The following LYPD6B variants were observed in gnomAD, a reference collection of about 807,000 sequenced individuals.
LYPD6B encodes LY6/PLAUR domain containing 6B.
In LYPD6B, 17 loss-of-function variants were observed where a neutral mutation model predicts 22.8. That is an observed-to-expected ratio of 0.75 (90% CI 0.51 to 1.12). The LOEUF (loss-of-function observed/expected upper bound fraction) is 1.12, where lower values mean the gene tolerates loss of function less well. Ranked by LOEUF, LYPD6B falls within the 50% of genes most tolerant of loss-of-function variation. The pLI is 0.00. For missense variants in LYPD6B, 221 were observed against 258.3 expected (o/e 0.86, Z 0.99); for synonymous variants, 106 against 91.6 (o/e 1.16, Z -0.90).
intron 4 of LYPD6B, among the ~76,000 whole-genome samples, chr2:149,207,129 C>T (rs1448759738): frequency 6.6e-6 from 1 of 152,064 alleles, no homozygotes; most frequent in East Asian, 1.9e-4. Context: ...TTTAACTGTA[C>T]TGATTTAATT....
At chr2:149,135,861 A>T (rs1688338354) in intron 2 of LYPD6B, among the ~76,000 whole-genome samples, 2 of 151,756 alleles carry the variant, frequency 1.3e-5, no homozygotes, top group African/African-American at 4.8e-5. Flanking sequence ...CTGATACCTT[A>T]TGTCACATTA....
chr2:149,153,155 T>G (rs1015776274), intron 2 of LYPD6B, among the ~76,000 whole-genome samples: 5 of 152,200 alleles, frequency 3.3e-5, no homozygotes, highest in African/African-American at 1.2e-4. Flanking sequence ...TGTAAGATAT[T>G]AACAAGGCAC....
chr2:149,051,673 T>C (rs1683568154), intron 1 of LYPD6B, among the ~76,000 whole-genome samples: 1 of 151,988 alleles, frequency 6.6e-6, no homozygotes, highest in Non-Finnish European at 1.5e-5. Flanking sequence ...TTATTATTAT[T>C]ATTTATTTTT....
intron 3 of LYPD6B, among the ~76,000 whole-genome samples, chr2:149,190,494 A>G (rs1289754881): frequency 6.6e-6 from 1 of 152,186 alleles, no homozygotes. Context: ...AATGTTGTCA[A>G]ATTGCTCCAT....
intron 3 of LYPD6B, among the ~76,000 whole-genome samples, chr2:149,193,441 T>C (rs7576669): frequency 0.83 from 126,213 of 151,814 alleles, 54,108 homozygotes; most frequent in South Asian, 0.97. Flanking sequence ...TCTCAATGTG[T>C]GTTTCCAGCT....
intron 2 of LYPD6B, among the ~76,000 whole-genome samples, chr2:149,141,861 C>T (rs960030680): frequency 1.3e-5 from 2 of 152,206 alleles, no homozygotes; most frequent in African/African-American, 4.8e-5. Context: ...TCTTTCTTCT[C>T]CTCTTTCAAG....
intron 1 of LYPD6B, among the ~76,000 whole-genome samples, chr2:149,065,482 A>C (rs1212810419): frequency 1.3e-5 from 2 of 152,200 alleles, no homozygotes; most frequent in Non-Finnish European, 2.9e-5. Context: ...AGAAGGTGGA[A>C]TCTTCAGTTC....
chr2:149,070,521 C>G (rs1024672373), intron 1 of LYPD6B, among the ~76,000 whole-genome samples: 2 of 152,126 alleles, frequency 1.3e-5, no homozygotes, highest in Admixed American at 1.3e-4. Context: ...CGATGGTATT[C>G]CCAGTGCCTG....
chr2:149,174,206 A>T (rs1691080276), intron 3 of LYPD6B, among the ~76,000 whole-genome samples: 1 of 152,164 alleles, frequency 6.6e-6, no homozygotes, highest in Non-Finnish European at 1.5e-5. Context: ...GTGTAAAGGA[A>T]TGCTTGTGCT....
At chr2:149,043,664 T>C (rs977927584) in intron 1 of LYPD6B, among the ~76,000 whole-genome samples, 6 of 152,162 alleles carry the variant, frequency 3.9e-5, no homozygotes, top group Non-Finnish European at 1.5e-5. Context: ...ATCGATTTTT[T>C]AATACATCCA....
intron 1 of LYPD6B, among the ~76,000 whole-genome samples, chr2:149,045,886 A>G (rs1166931424): frequency 6.6e-6 from 1 of 152,202 alleles, no homozygotes; most frequent in Non-Finnish European, 1.5e-5. Context: ...GGGATGTTCC[A>G]GAAATATCAA....
intron 1 of LYPD6B, among the ~76,000 whole-genome samples, chr2:149,096,191 C>T (rs79157960): frequency 0.015 from 2,267 of 151,636 alleles, 55 homozygotes; most frequent in African/African-American, 0.052. Flanking sequence ...GAAAGAGACA[C>T]GGAGAGACTG....
chr2:149,110,282 C>A (rs1384494239), intron 1 of LYPD6B, among the ~76,000 whole-genome samples: 1 of 152,074 alleles, frequency 6.6e-6, no homozygotes. Context: ...TCTGATAATT[C>A]TAACATCTGT....
chr2:149,066,188 T>A (rs980894088), intron 1 of LYPD6B, among the ~76,000 whole-genome samples: 33 of 152,148 alleles, frequency 2.2e-4, no homozygotes, highest in Non-Finnish European at 3.8e-4. Context: ...ATTATTTTTT[T>A]AATTCTACTT....
chr2:149,065,987 C>T (rs560959172), intron 1 of LYPD6B, among the ~76,000 whole-genome samples: 10 of 151,980 alleles, frequency 6.6e-5, no homozygotes, highest in Non-Finnish European at 1.3e-4. Context: ...GTCGGGATTA[C>T]GAGTCTGAGC....
At chr2:149,169,065 G>T (rs1036504751) in intron 3 of LYPD6B, among the ~76,000 whole-genome samples, 1 of 152,116 alleles carries the variant, frequency 6.6e-6, no homozygotes, top group Non-Finnish European at 1.5e-5. Flanking sequence ...CTCAAAAAGG[G>T]TAAATTTGAG....
At chr2:149,109,641 T>A (rs1366970003) in intron 1 of LYPD6B, among the ~76,000 whole-genome samples, 2 of 152,162 alleles carry the variant, frequency 1.3e-5, no homozygotes, top group Admixed American at 6.5e-5. Context: ...ATAATTCCAA[T>A]TACATGTAGT....
rs202192263 is a variant in LYPD6B at position 149,208,357 on chromosome 2, C to T, written c.273C>T (p.Asn91=). 168 of 1,613,606 alleles carry T rather than the reference C, an allele frequency of 1.0e-4. 1 individual carries two copies. The Middle Eastern group carries it at 1.8e-3, about 17-fold the overall frequency. Residue 91 remains asparagine, a synonymous_variant, in exon 5 of 7, where the codon AAC becomes AAT. Coordinates refer to ENST00000409642, the MANE Select transcript of LYPD6B (RefSeq NM_177964.5). ...PNSFKCFTCE[N]AGDNYNCNRW... is the part of the protein sequence containing the mutation. ...GCTTCAAGTGCTTTACTTGTGAAAA[C>T]GCAGGGGATAATTATAACTGCAATC...
intron 1 of LYPD6B, among the ~76,000 whole-genome samples, chr2:149,116,298 G>A (rs1687003048): frequency 6.6e-6 from 1 of 152,150 alleles, no homozygotes; most frequent in Admixed American, 6.6e-5. Flanking sequence ...TGTAGGGTTT[G>A]GTACTATCTG....
Sources: allele counts gnomAD v4.1 joint callset (sites outside exome capture counted in the v4.1 genomes callset), GRCh38; gene constraint gnomAD v4.1.1; transcripts MANE v1.5; gene names NCBI Gene and HGNC (gene_info 2026-07-23, HGNC 2026-07-21).